Variants in CCDC192 observed in about 807,000 individuals in gnomAD.
CCDC192 encodes coiled-coil domain containing 192.
intron 2 of CCDC192, among the ~76,000 whole-genome samples, chr5:127,733,102 G>C (rs1211638439): frequency 2.0e-5 from 3 of 152,146 alleles, no homozygotes; most frequent in Non-Finnish European, 4.4e-5. Flanking sequence ...ATGCAAGGCT[G>C]TGCCCTCCCC....
chr5:127,733,229 A>G (rs1036367448), intron 2 of CCDC192, among the ~76,000 whole-genome samples: 6 of 152,228 alleles, frequency 3.9e-5, no homozygotes, highest in East Asian at 1.9e-4. Context: ...GGTCCTTACA[A>G]TCAACTCCCA....
intron 5 of CCDC192, among the ~76,000 whole-genome samples, chr5:127,835,825 C>T (rs1279693395): frequency 1.3e-5 from 2 of 152,146 alleles, no homozygotes; most frequent in East Asian, 3.9e-4. Flanking sequence ...CACCAGGTCT[C>T]TTCCTCAACA....
At chr5:127,846,186 G>T (rs149319703) in intron 5 of CCDC192, among the ~76,000 whole-genome samples, 2,605 of 151,804 alleles carry the variant, frequency 0.017, 83 homozygotes, top group African/African-American at 0.06. Flanking sequence ...CTACTCGGGA[G>T]GCTAAGGCAG....
At chr5:127,770,423 GAAA>G (rs1755482679) in intron 3 of CCDC192, among the ~76,000 whole-genome samples, 1 of 152,208 alleles carries the variant, frequency 6.6e-6, no homozygotes, top group African/African-American at 2.4e-5. Flanking sequence ...AAAGGACAAA[GAAA>G]GCTCTCAGAG....
At chr5:127,757,802 T>A (rs73783965) in intron 3 of CCDC192, among the ~76,000 whole-genome samples, 42,469 of 120,462 alleles carry the variant, frequency 0.35, 6,650 homozygotes, top group East Asian at 0.45. Context: ...ACACACACTC[T>A]CTCTCTCTCT....
At chr5:127,710,787 G>A (rs961794395) in intron 2 of CCDC192, among the ~76,000 whole-genome samples, 1 of 152,008 alleles carries the variant, frequency 6.6e-6, no homozygotes, top group Non-Finnish European at 1.5e-5. Flanking sequence ...ATTGAGATTC[G>A]GGGAGATTCA....
chr5:127,807,401 C>T (rs969286441), intron 5 of CCDC192, among the ~76,000 whole-genome samples: 2 of 152,108 alleles, frequency 1.3e-5, no homozygotes, highest in African/African-American at 4.8e-5. Flanking sequence ...TTTCCATGGT[C>T]AATGTCTTCT....
intron 2 of CCDC192, among the ~76,000 whole-genome samples, chr5:127,749,961 C>A (rs867977958): frequency 3.9e-4 from 59 of 151,766 alleles, no homozygotes; most frequent in Non-Finnish European, 2.1e-4. Flanking sequence ...GTGGTGATAT[C>A]CCCTTTATCA....
chr5:127,718,033 A>T (rs1751741539), intron 2 of CCDC192, among the ~76,000 whole-genome samples: 1 of 152,116 alleles, frequency 6.6e-6, no homozygotes, highest in Admixed American at 6.6e-5. Context: ...TTTAATAATA[A>T]GTGCTATTTA....
At chr5:127,825,832 A>C (rs559725607) in intron 5 of CCDC192, among the ~76,000 whole-genome samples, 1 of 152,342 alleles carries the variant, frequency 6.6e-6, no homozygotes, top group South Asian at 2.1e-4. Flanking sequence ...ATATTCCGTA[A>C]GAAGATATTC....
At chr5:127,813,931 A>G (rs1354019432) in intron 5 of CCDC192, among the ~76,000 whole-genome samples, 1 of 152,232 alleles carries the variant, frequency 6.6e-6, no homozygotes, top group African/African-American at 2.4e-5. Flanking sequence ...GAAGAGGCAA[A>G]GGAATGTAAA....
chr5:127,868,253 A>G (rs538085332), intron 5 of CCDC192, among the ~76,000 whole-genome samples: 37 of 152,182 alleles, frequency 2.4e-4, no homozygotes, highest in African/African-American at 8.9e-4. Context: ...TAGCCATCCC[A>G]TTGCTCTTCA....
chr5:127,841,782 CCAA>C (rs1329418683), intron 5 of CCDC192, among the ~76,000 whole-genome samples: 3 of 152,014 alleles, frequency 2.0e-5, no homozygotes, highest in African/African-American at 7.3e-5. Flanking sequence ...GGTCACCAGC[CCAA>C]CGAGTGATCA....
At chr5:127,890,528 C>G (rs892718031) in intron 6 of CCDC192, among the ~76,000 whole-genome samples, 3 of 151,074 alleles carry the variant, frequency 2.0e-5, no homozygotes, top group Non-Finnish European at 1.5e-5. Flanking sequence ...TTACCTTCAT[C>G]TAGCCATCTA....
intron 2 of CCDC192, among the ~76,000 whole-genome samples, chr5:127,735,518 C>T (rs1400009234): frequency 1.1e-5 from 1 of 89,628 alleles, no homozygotes. Flanking sequence ...TTACCTTGGG[C>T]AGTATGGTCA....
At chr5:127,892,147 A>C (rs1752749512) in intron 6 of CCDC192, among the ~76,000 whole-genome samples, 1 of 152,232 alleles carries the variant, frequency 6.6e-6, no homozygotes, top group African/African-American at 2.4e-5. Context: ...GTTGGTTACA[A>C]TAATTATCAT....
chr5:127,747,370 C>T (rs1460600277), intron 2 of CCDC192, among the ~76,000 whole-genome samples: 1 of 151,364 alleles, frequency 6.6e-6, no homozygotes, highest in African/African-American at 2.4e-5. Context: ...GGTTTTTTGT[C>T]CTTGTGATAG....
chr5:127,912,029 C>T (rs1580819414), intron 6 of CCDC192, among the ~76,000 whole-genome samples: 1 of 151,916 alleles, frequency 6.6e-6, no homozygotes, highest in Middle Eastern at 3.4e-3. Flanking sequence ...TCAAGCAGTT[C>T]TCCTGCCTCA....
At chr5:127,919,097 G>A (rs1753630846) in intron 6 of CCDC192, among the ~76,000 whole-genome samples, 2 of 151,808 alleles carry the variant, frequency 1.3e-5, no homozygotes, top group Middle Eastern at 3.4e-3. Flanking sequence ...GTGTGTGTGT[G>A]TGTGTGTACC....
Sources: allele counts gnomAD v4.1 joint callset (sites outside exome capture counted in the v4.1 genomes callset), GRCh38; gene constraint gnomAD v4.1.1; transcripts MANE v1.5; gene names NCBI Gene and HGNC (gene_info 2026-07-23, HGNC 2026-07-21).